The following SLC14A2 variants were observed in gnomAD, a reference collection of about 807,000 sequenced individuals.
SLC14A2 encodes urea transporter 2.
In SLC14A2, 91 loss-of-function variants were observed where a neutral mutation model predicts 104.6. The ratio of observed to expected loss-of-function variants is 0.87; its 90% CI spans 0.73 to 1.04. The LOEUF is 1.04. SLC14A2 is among the 50% of genes least tolerant of loss of function. The pLI is 0.00. For missense variants in SLC14A2, 1,189 were observed against 1,156.0 expected, an observed-to-expected ratio of 1.03 and a Z score of -0.41; for synonymous variants, 476 against 466.4, an observed-to-expected ratio of 1.02 and a Z score of -0.27.
chr18:45,274,286 A>C (rs1452138144), intron 1 of SLC14A2, among the ~76,000 whole-genome samples: 1 of 152,196 alleles, frequency 6.6e-6, no homozygotes, highest in Admixed American at 6.6e-5. Context: ...GAGGCTAAAC[A>C]TCTGGCTGAA....
At chr18:45,378,931 A>G (rs1430262564) in intron 1 of SLC14A2, among the ~76,000 whole-genome samples, 5 of 152,182 alleles carry the variant, frequency 3.3e-5, no homozygotes, top group Non-Finnish European at 7.3e-5. Flanking sequence ...TTTTGATCAA[A>G]TCAGCCTTAT....
At chr18:45,208,492 C>CG (rs1343469579), upstream of SLC14A2, among the ~76,000 whole-genome samples, 5 of 152,044 alleles carry the variant, frequency 3.3e-5, no homozygotes, top group Non-Finnish European at 5.9e-5. Context: ...TTCATAGGAA[C>CG]GTGCAATATG....
chr18:45,443,143 C>T (rs2086707291), intron 1 of SLC14A2, among the ~76,000 whole-genome samples: 1 of 152,106 alleles, frequency 6.6e-6, no homozygotes, highest in South Asian at 2.1e-4. Flanking sequence ...TGTAGGTTCA[C>T]TGAAGGGGAA....
intron 1 of SLC14A2, chr18:45,423,946 A>G (rs778106433): frequency 4.6e-5 from 7 of 152,182 alleles, no homozygotes; most frequent in Non-Finnish European, 1.0e-4. Flanking sequence ...TTCATTCCTT[A>G]TTCATCTCTC....
chr18:45,638,674 C>G (rs1332240745), intron 6 of SLC14A2, among the ~76,000 whole-genome samples: 2 of 152,206 alleles, frequency 1.3e-5, no homozygotes, highest in Non-Finnish European at 2.9e-5. Context: ...CTAATCAATT[C>G]CTATTTGTTA....
Position 45,604,844 on chromosome 18 carries a change from G to A in SLC14A2, c.-34-19787G>A, listed in dbSNP as rs557114288. On this transcript the variant is annotated intron_variant, in intron 2 of 20. Transcript: ENST00000586448. ...GCATTTTGGAGGGCCTAATCTCATC[G>A]TGGCTGATTAGATTATCATTGCCTT... Among the ~76,000 whole-genome samples the A allele has an allele frequency of 8.2e-4, 125 of 152,256 alleles. 1 individual carries two copies. Among genetic ancestry groups the A allele is most frequent in the African/African-American group, 2.8e-3 (118 of 41,536 alleles).
At chr18:45,485,369 T>C (rs1047172825) in intron 2 of SLC14A2, 2 of 152,250 alleles carry the variant, frequency 1.3e-5, no homozygotes, top group Non-Finnish European at 1.5e-5. Context: ...AGGAAAATTA[T>C]TCTTTTTTAT....
At chr18:45,465,150 G>C (rs1304755061) in intron 1 of SLC14A2, among the ~76,000 whole-genome samples, 1 of 152,090 alleles carries the variant, frequency 6.6e-6, no homozygotes, top group African/African-American at 2.4e-5. Flanking sequence ...AGACAGAGGA[G>C]GGTCAGAGAG....
intron 1 of SLC14A2, among the ~76,000 whole-genome samples, chr18:45,437,016 T>C (rs80348573): frequency 6.6e-6 from 1 of 152,200 alleles, no homozygotes; most frequent in African/African-American, 2.4e-5. Flanking sequence ...GACCAGAGAC[T>C]GGAGCCCCTC....
chr18:45,529,618 T>A (rs562917990), intron 2 of SLC14A2: 8 of 151,910 alleles, frequency 5.3e-5, no homozygotes, highest in Non-Finnish European at 1.2e-4. Context: ...TGCCTTTCGA[T>A]CTTTAGTCCT....
upstream of SLC14A2, among the ~76,000 whole-genome samples, chr18:45,612,016 A>G (rs2044980798): frequency 6.6e-6 from 1 of 152,238 alleles, no homozygotes; most frequent in Admixed American, 6.5e-5. Context: ...CCTATTGTGT[A>G]CAAGATGCTA....
intron 1 of SLC14A2, among the ~76,000 whole-genome samples, chr18:45,264,037 T>C (rs1295100352): frequency 6.6e-6 from 1 of 152,150 alleles, no homozygotes; most frequent in Non-Finnish European, 1.5e-5. Context: ...AACACAAGCA[T>C]GTGCACTATC....
intron 1 of SLC14A2, among the ~76,000 whole-genome samples, chr18:45,393,151 A>G (rs2085990368): frequency 6.6e-6 from 1 of 152,222 alleles, no homozygotes; most frequent in Non-Finnish European, 1.5e-5. Context: ...TAGTGAACAG[A>G]AAGACAAAAA....
chr18:45,244,057 G>A (rs149553298), intron 1 of SLC14A2, among the ~76,000 whole-genome samples: 39 of 152,240 alleles, frequency 2.6e-4, no homozygotes, highest in African/African-American at 7.7e-4. Context: ...TTACCAAACC[G>A]GGTTTCTGAG....
At chr18:45,533,442 G>A (rs867800979) in intron 2 of SLC14A2, among the ~76,000 whole-genome samples, 38 of 152,242 alleles carry the variant, frequency 2.5e-4, no homozygotes, top group Non-Finnish European at 5.1e-4. Context: ...TGTGTGTGTC[G>A]AGGAATTTAT....
At chr18:45,516,733 G>A (rs574835636) in intron 2 of SLC14A2, among the ~76,000 whole-genome samples, 2 of 152,320 alleles carry the variant, frequency 1.3e-5, no homozygotes, top group Admixed American at 6.5e-5. Flanking sequence ...TTTCTGCCAC[G>A]TGAAAGACAT....
chr18:45,469,609 G>A (rs2087208135), intron 1 of SLC14A2, among the ~76,000 whole-genome samples: 1 of 152,214 alleles, frequency 6.6e-6, no homozygotes, highest in Admixed American at 6.5e-5. Context: ...CCAGTGTGGT[G>A]TAAGCATGTA....
At chr18:45,272,376 A>G (rs112054063) in intron 1 of SLC14A2, among the ~76,000 whole-genome samples, 23 of 152,228 alleles carry the variant, frequency 1.5e-4, no homozygotes, top group African/African-American at 5.1e-4. Flanking sequence ...TAAAGAAAAT[A>G]TGGTACATCA....
In SLC14A2 at chr18:45,517,383, C is replaced by G. The variant is rs559711741; in HGVS notation, c.-35+34061C>G. The stretch of plus-strand genomic sequence containing the variant: ...CAGCCAGGCTGACCTCAGCCTCCCC[C>G]CTCCCAATAGATAATTACGCCTCTA... On this transcript the variant is annotated intron_variant, in intron 2 of 20. Coordinates refer to the SLC14A2 transcript ENST00000586448. 2.6e-4 allele frequency among the ~76,000 whole-genome samples: 39 copies of G among 152,306 alleles called. 1 individual carries two copies. Among genetic ancestry groups the G allele is most frequent in the South Asian group, 4.1e-4 (2 of 4,822 alleles).
Sources: allele counts gnomAD v4.1 joint callset (sites outside exome capture counted in the v4.1 genomes callset), GRCh38; gene constraint gnomAD v4.1.1; transcripts MANE v1.5; gene names NCBI Gene and HGNC (gene_info 2026-07-23, HGNC 2026-07-21).